Variants in ASPG observed in about 807,000 individuals in gnomAD.
The protein encoded by ASPG is 60 kDa lysophospholipase.
ASPG carries 53 observed loss-of-function variants against 63.2 expected under a neutral mutation model. The ratio of observed to expected loss-of-function variants is 0.84; its 90% CI spans 0.67 to 1.05. ASPG has a LOEUF of 1.05. ASPG is among the 50% of genes least tolerant of loss of function. The probability of loss-of-function intolerance (pLI) is 0.00; values close to 1 mark genes in which losing one functional copy is unlikely to be tolerated. For synonymous variants in ASPG, 370 were observed against 355.0 expected (o/e 1.04, Z -0.48); for missense variants, 741 against 794.4 (o/e 0.93, Z 0.81).
intron 1 of ASPG, among the ~76,000 whole-genome samples, chr14:104,090,939 C>T (rs2036347301): frequency 6.6e-6 from 1 of 152,204 alleles, no homozygotes; most frequent in Non-Finnish European, 1.5e-5. Context: ...GATCTTGGCT[C>T]ACTGCAACCT....
rs984817752 is a variant in ASPG, at chr14:104,109,480, T to A, written c.1520+165T>A. Among the ~76,000 whole-genome samples the A allele has an allele frequency of 6.6e-6, 1 of 152,040 alleles. No homozygotes were observed. The highest frequency in any genetic ancestry group is 2.4e-5 in the African/African-American group (1 of 41,382). ...CCAACCTGGCTGATGGGAAGAGGTG[T>A]CTACCCTGGACCATGTCATGGGGCA... On this transcript the variant is annotated intron_variant, in intron 13 of 15. Coordinates refer to ENST00000551177, the MANE Select transcript of ASPG (RefSeq NM_001080464.3). The surrounding 1 kb of genome is among the most constrained non-coding windows in gnomAD (Gnocchi z 4.8).
chr14:104,098,768 A>G (rs994335070), intron 5 of ASPG, 85 bp from the exon 6 acceptor site: 15 of 1,566,438 alleles, frequency 9.6e-6, no homozygotes, highest in Admixed American at 8.6e-5. Flanking sequence ...TGGGCACCTC[A>G]TTGATGGCAG....
At position 104,104,484 on chromosome 14, in the gene ASPG, A is replaced by G. The variant is rs749415102; in HGVS notation, c.934A>G (p.Met312Val). The change falls in exon 8 of 16, where the codon ATG becomes GTG. Residue 312 changes from methionine to valine, a missense_variant and splice_region_variant. Coordinates refer to ENST00000551177, the MANE Select transcript of ASPG (RefSeq NM_001080464.3). Reference sequence around the variant, plus strand: ...TGTGACCACAGACTATGCAGCTGGCATGGTAGTGCCGGGAGATCAGGGCCT... The same window carrying G: ...TGTGACCACAGACTATGCAGCTGGCGTGGTAGTGCCGGGAGATCAGGGCCT... ...GAVTTDYAAG[M>V]AMAGAGVISG... The G allele has an allele frequency of 6.2e-7, 1 of 1,611,718 alleles. No individual in the cohort carries two copies. The highest frequency in any genetic ancestry group is 8.5e-7 in the Non-Finnish European group (1 of 1,179,202).
chr14:104,111,744 C>T (rs965168586), intron 14 of ASPG, 143 bp downstream of exon 14: 2 of 897,816 alleles, frequency 2.2e-6, no homozygotes. Flanking sequence ...AGGACCCGCA[C>T]AGACTGGGTC....
intron 1 of ASPG, among the ~76,000 whole-genome samples, 178 bp from the exon 2 acceptor site, chr14:104,092,455 G>A (rs1308372161): frequency 1.3e-5 from 2 of 152,170 alleles, no homozygotes; most frequent in Admixed American, 1.3e-4. Context: ...TCCAAACGCG[G>A]GTCAGCCGCC....
intron 1 of ASPG, among the ~76,000 whole-genome samples, chr14:104,092,063 G>T (rs2036385588): frequency 6.6e-6 from 1 of 152,094 alleles, no homozygotes; most frequent in Non-Finnish European, 1.5e-5. Flanking sequence ...AGGGGACCTG[G>T]GCTGGACCCT....
chr14:104,096,589 C>A (rs569330136), intron 4 of ASPG, among the ~76,000 whole-genome samples: 1 of 152,164 alleles, frequency 6.6e-6, no homozygotes, highest in African/African-American at 2.4e-5. Flanking sequence ...CAGACCTTCC[C>A]GAGCCCTGGG....
intron 12 of ASPG, chr14:104,108,733 C>T: frequency 1.0e-6 from 1 of 985,458 alleles, no homozygotes; most frequent in Non-Finnish European, 1.2e-6. Context: ...GCCCCCACTC[C>T]TACCCAAGGG....
Position 104,112,644 on chromosome 14 carries a change from G to C in ASPG, c.*100G>C. On this transcript the variant is annotated 3_prime_UTR_variant, in exon 16 of 16. Coordinates refer to ENST00000551177, the MANE Select transcript of ASPG (RefSeq NM_001080464.3). Reference sequence around the variant, plus strand: ...CACTGCTGGGGCTGCTTCCCAGCCTGCTCTCATGTAAAGCCTGAAGGCCTT... The same window carrying C: ...CACTGCTGGGGCTGCTTCCCAGCCTCCTCTCATGTAAAGCCTGAAGGCCTT... 1.0e-5 allele frequency: 16 copies of C among 1,554,432 alleles called. No homozygotes were observed. Among genetic ancestry groups the C allele is most frequent in the Non-Finnish European group, 1.4e-5 (16 of 1,154,998 alleles).
Position 104,093,660 on chromosome 14 carries a change from G to GTGGGTGGGGCTGGGGAATGC in ASPG, c.303+70_303+71insGGGAATGCTGGGTGGGGCTG, listed in dbSNP as rs1555381858. On this transcript the variant is annotated intron_variant, in intron 3 of 15. Transcript: ENST00000551177. ...TGGTGTGTGGGTGGGGCTGAGGTGT[G>GTGGGTGGGGCTGGGGAATGC]TGGGTGGGGCTGTGGTGTGTGGGTG... is the stretch of plus-strand genomic sequence containing the variant. 1,995 of 893,800 alleles carry GTGGGTGGGGCTGGGGAATGC rather than the reference G, an allele frequency of 2.2e-3. 20 individuals carry two copies. Among genetic ancestry groups the GTGGGTGGGGCTGGGGAATGC allele is most frequent in the South Asian group, 7.5e-3 (273 of 36,224 alleles). The allele number at this position is 893,800 out of a possible 1,614,324, so 55.4% of individuals were successfully genotyped here.
intron 4 of ASPG, among the ~76,000 whole-genome samples, chr14:104,095,922 C>T (rs1365436463): frequency 6.6e-6 from 1 of 152,152 alleles, no homozygotes; most frequent in Non-Finnish European, 1.5e-5. Flanking sequence ...GCCAGGCCCA[C>T]CTCGGCCCTG....
chr14:104,085,865 C>T lies in ASPG; in HGVS notation c.82+13C>T. ...AGTGAGCTCGGCGGTGAGTCCGAGACCCTGGGCGGGGTAGGCCTCTGGACC... is the reference window on the plus strand; with the variant it reads ...AGTGAGCTCGGCGGTGAGTCCGAGATCCTGGGCGGGGTAGGCCTCTGGACC... On this transcript the variant is annotated intron_variant, in intron 1 of 15. Coordinates refer to ENST00000551177, the MANE Select transcript of ASPG (RefSeq NM_001080464.3). 6.3e-7 allele frequency: 1 copy of T among 1,578,058 alleles called. No homozygotes were observed.
intron 2 of ASPG, 101 bp downstream of exon 2, chr14:104,092,842 T>C: frequency 1.0e-6 from 1 of 968,742 alleles, no homozygotes; most frequent in Non-Finnish European, 1.6e-6. Context: ...AGCCATTTGC[T>C]CACCCCTGTC....
At chr14:104,088,818 G>T (rs897584543) in intron 1 of ASPG, among the ~76,000 whole-genome samples, 3 of 152,136 alleles carry the variant, frequency 2.0e-5, no homozygotes, top group African/African-American at 7.2e-5. Context: ...CTCCTTTCCA[G>T]GTGTTTGGCA....
In ASPG at chr14:104,108,933, C is replaced by T. The variant is rs1323584386; in HGVS notation, c.1434-296C>T. On this transcript the variant is annotated intron_variant, in intron 12 of 15. Transcript: ENST00000551177. ...CTATTCTGCTAGCACCAACTAATGC[C>T]CTCCCCTGGGTGCTGGGTGCGGGGC... The T allele has an allele frequency of 4.1e-6, 4 of 985,226 alleles. No homozygotes were observed. In the African/African-American group the frequency reaches 7.0e-5, roughly 17 times the overall value. The allele number at this position is 985,226 out of a possible 1,614,324, so 61.0% of individuals were successfully genotyped here. A position where few individuals can be genotyped will look rare whatever the true frequency, so the allele number is the denominator to read the frequency against.
At position 104,111,502 on chromosome 14, in the gene ASPG, G is replaced by A. The variant is rs369160473; in HGVS notation, c.1521G>A (p.Arg507=). 1 of 1,549,542 alleles carries A rather than the reference G, an allele frequency of 6.5e-7. No individual in the cohort carries two copies. Residue 507 remains arginine (R), a splice_region_variant and synonymous_variant, in exon 14 of 16, where the codon AGG becomes AGA. Transcript: ENST00000551177. ...ACTCCTCCTCTGCCCCCACCCCCAG[G>A]CTGGCATACAGGGCCGACCTCGAAG... ...ELEEAGTELC[R]LAYRADLEGL...
chr14:104,100,936 G>C (rs1157605881), intron 6 of ASPG, among the ~76,000 whole-genome samples: 1 of 152,228 alleles, frequency 6.6e-6, no homozygotes, highest in Non-Finnish European at 1.5e-5. Context: ...TGGAGCTTCT[G>C]CTGGTGGGTG....
At chr14:104,096,001 C>T (rs552695135) in intron 4 of ASPG, among the ~76,000 whole-genome samples, 7 of 152,300 alleles carry the variant, frequency 4.6e-5, no homozygotes, top group South Asian at 2.1e-4. Flanking sequence ...CTCCATCTGG[C>T]GCATCAGGGT....
At chr14:104,106,376 C>T (rs1337757506) in intron 10 of ASPG, among the ~76,000 whole-genome samples, 3 of 152,200 alleles carry the variant, frequency 2.0e-5, no homozygotes, top group African/African-American at 7.2e-5. Context: ...GGTGGCTCTT[C>T]TGGGAAGGTG....
Sources: allele counts gnomAD v4.1 joint callset (sites outside exome capture counted in the v4.1 genomes callset), GRCh38; gene constraint gnomAD v4.1.1; non-coding constraint Gnocchi (gnomAD v3.1); transcripts MANE v1.5; gene names NCBI Gene and HGNC (gene_info 2026-07-23, HGNC 2026-07-21).